Variants in PPP1R37 observed in about 807,000 individuals in gnomAD.
The protein encoded by PPP1R37 is leucine rich repeat containing 68.
PPP1R37 carries 21 observed loss-of-function variants against 61.0 expected under a neutral mutation model. The ratio of observed to expected loss-of-function variants is 0.34; its 90% CI spans 0.24 to 0.50. The LOEUF is 0.50. Ranked by LOEUF, PPP1R37 falls within the 20% of genes least tolerant of loss-of-function variation. The pLI is 0.98. For missense variants in PPP1R37, 910 were observed against 952.7 expected, an observed-to-expected ratio of 0.96 and a Z score of 0.59; for synonymous variants, 443 against 433.5, an observed-to-expected ratio of 1.02 and a Z score of -0.27.
chr19:45,095,463 G>A (rs1967980401), intron 1 of PPP1R37, among the ~76,000 whole-genome samples: 1 of 151,758 alleles, frequency 6.6e-6, no homozygotes, highest in Non-Finnish European at 1.5e-5. Flanking sequence ...AGAGGCAGTG[G>A]TTAAATTAAG....
rs1261148265 is a variant in PPP1R37 at position 45,122,958 on chromosome 19, G to A, written c.203-15556G>A. Among the ~76,000 whole-genome samples, 4 of 152,132 alleles carry A rather than the reference G, an allele frequency of 2.6e-5. No homozygotes were observed. The East Asian group carries it at 7.7e-4, about 29-fold the overall frequency. Reference sequence around the variant, plus strand: ...TGCAGCTCACTGCCAGATGCATCAGGCAGCCTCCTGCACCTGCACTTTCTT... The same window carrying A: ...TGCAGCTCACTGCCAGATGCATCAGACAGCCTCCTGCACCTGCACTTTCTT... On this transcript the variant is annotated intron_variant, in intron 1 of 12. Transcript: ENST00000221462.
intron 1 of PPP1R37, chr19:45,128,467 G>T: frequency 1.6e-6 from 1 of 642,570 alleles, no homozygotes; most frequent in Non-Finnish European, 2.6e-6. Context: ...GGGTGGTAGA[G>T]GCAGCGGCAG....
chr19:45,121,017 G>T lies in PPP1R37; in HGVS notation c.203-17497G>T. 6.6e-6 allele frequency among the ~76,000 whole-genome samples: 1 copy of T among 152,176 alleles called. No homozygotes were observed. The highest frequency in any genetic ancestry group is 1.9e-4 in the East Asian group (1 of 5,200). On this transcript the variant is annotated intron_variant, in intron 1 of 12. Coordinates refer to ENST00000221462, the MANE Select transcript of PPP1R37 (RefSeq NM_019121.2). This position sits in a 1 kb window ranked among gnomAD's most constrained non-coding sequence, Gnocchi z 4.2. ...ATCTCTAAGCGTCCCCTGGAAAGTT[G>T]GGGAGATAATTTCTATTTCTCAGGG...
chr19:45,118,521 T>C (rs1450002188), intron 1 of PPP1R37, among the ~76,000 whole-genome samples: 1 of 152,182 alleles, frequency 6.6e-6, no homozygotes, highest in Non-Finnish European at 1.5e-5. Context: ...CCATATCCCC[T>C]TCCCAGGGAT....
chr19:45,109,605 A>T (rs1187291526), intron 1 of PPP1R37, among the ~76,000 whole-genome samples: 1 of 152,190 alleles, frequency 6.6e-6, no homozygotes, highest in African/African-American at 2.4e-5. Context: ...CTTGCTGAAG[A>T]TGGCAGAAGC....
chr19:45,138,660 C>T (rs773405376), intron 2 of PPP1R37, 49 bp downstream of exon 2: 2 of 1,393,086 alleles, frequency 1.4e-6, no homozygotes, highest in Non-Finnish European at 2.0e-6. Flanking sequence ...TCAAGGGGGG[C>T]CCTAGGGTGG....
chr19:45,103,145 C>T (rs1968085048), intron 1 of PPP1R37, among the ~76,000 whole-genome samples: 4 of 152,232 alleles, frequency 2.6e-5, no homozygotes, highest in Non-Finnish European at 5.9e-5. Flanking sequence ...GGGTCTCACA[C>T]TGGATGAATT....
chr19:45,107,560 T>A (rs527754845), intron 1 of PPP1R37, among the ~76,000 whole-genome samples: 1 of 152,298 alleles, frequency 6.6e-6, no homozygotes, highest in East Asian at 1.9e-4. Flanking sequence ...GCTGTGGTCT[T>A]GCCATTGGAC....
Position 45,093,546 on chromosome 19 carries a change from G to GCGGGGGCGGGCTCGAGAGGGACC in PPP1R37, c.202+24_202+46dup. 6.6e-7 allele frequency: 1 copy of GCGGGGGCGGGCTCGAGAGGGACC among 1,524,160 alleles called. No homozygotes were observed. The highest frequency in any genetic ancestry group is 1.4e-5 in the African/African-American group (1 of 72,546). The allele number at this position is 1,524,160 out of a possible 1,614,324, so 94.4% of individuals were successfully genotyped here. The stretch of plus-strand genomic sequence containing the variant: ...AGACATGGTAGCTACCGCGGGTGAA[G>GCGGGGGCGGGCTCGAGAGGGACC]CGGGGGCGGGCTCGAGAGGGACCCG... On this transcript the variant is annotated intron_variant, in intron 1 of 12. Coordinates refer to ENST00000221462, the MANE Select transcript of PPP1R37 (RefSeq NM_019121.2).
rs1221749895 is a variant in PPP1R37 at position 45,145,528 on chromosome 19, G to T, written c.1472G>T (p.Gly491Val). 2.0e-6 allele frequency: 3 copies of T among 1,534,480 alleles called. No homozygotes were observed. Among genetic ancestry groups the T allele is most frequent in the Admixed American group, 2.0e-5 (1 of 50,910 alleles). ...EPQPDDEPAA[G>V]VQNGAPSPAP... The stretch of plus-strand genomic sequence containing the variant: ...CAGCCCGACGACGAGCCCGCCGCTG[G>T]GGTGCAGAACGGGGCCCCCAGCCCC... Residue 491 changes from glycine (G) to valine (V), a missense_variant, in exon 11 of 13, where the codon GGG becomes GTG. Gly to Val is a moderately radical substitution (Grantham distance 109, BLOSUM62 -3). Around this residue, in one of 3 missense-constraint regions of PPP1R37, gnomAD observed 549 missense variants for 505.1 expected, o/e 1.09. Transcript: ENST00000221462.
chr19:45,142,302 G>T lies in PPP1R37; in HGVS notation c.719-1G>T. The T allele has an allele frequency of 6.5e-7, 1 of 1,535,966 alleles. No homozygotes were observed. Among genetic ancestry groups the T allele is most frequent in the Non-Finnish European group, 8.7e-7 (1 of 1,146,808 alleles). On this transcript the variant is annotated splice_acceptor_variant, in intron 6 of 12. Coordinates refer to ENST00000221462, the MANE Select transcript of PPP1R37 (RefSeq NM_019121.2). LOFTEE classifies it high-confidence loss of function. ...TCACCGTGCCCCCTCCCCGTCCCCA[G>T]CCACGGCCCTGAAGATGAACATGAA...
chr19:45,137,722 G>A (rs919729259), intron 1 of PPP1R37, among the ~76,000 whole-genome samples: 3 of 152,070 alleles, frequency 2.0e-5, no homozygotes, highest in African/African-American at 4.8e-5. Flanking sequence ...TTCAAAGCCC[G>A]GCTCGCATAT....
rs980373304 is a variant in PPP1R37, at chr19:45,142,495, C to G, written c.874+37C>G. 9 of 1,529,366 alleles carry G rather than the reference C, an allele frequency of 5.9e-6. No homozygotes were observed. In the Admixed American group the frequency reaches 7.9e-5, roughly 13 times the overall value. The allele number at this position is 1,529,366 out of a possible 1,614,324, so 94.7% of individuals were successfully genotyped here. ...GGCCCACCCCACCCACACCCGTCACCCAGCACCCACTCTGCCCGGCCCTGC... is the reference window on the plus strand; with the variant it reads ...GGCCCACCCCACCCACACCCGTCACGCAGCACCCACTCTGCCCGGCCCTGC... On this transcript the variant is annotated intron_variant, in intron 7 of 12. Coordinates refer to ENST00000221462, the MANE Select transcript of PPP1R37 (RefSeq NM_019121.2).
intron 1 of PPP1R37, among the ~76,000 whole-genome samples, chr19:45,126,509 G>T (rs1291038280): frequency 6.6e-6 from 1 of 152,222 alleles, no homozygotes; most frequent in East Asian, 1.9e-4. Context: ...CATGTTGGTG[G>T]TTATTTATTG....
chr19:45,113,290 GC>G, intron 1 of PPP1R37, among the ~76,000 whole-genome samples: 1 of 152,350 alleles, frequency 6.6e-6, no homozygotes, highest in South Asian at 2.1e-4. Flanking sequence ...CTGTATGGGG[GC>G]CACTGTGGGC....
intron 2 of PPP1R37, 40 bp downstream of exon 2, chr19:45,138,651 C>A: frequency 6.9e-7 from 1 of 1,446,534 alleles, no homozygotes; most frequent in Non-Finnish European, 9.4e-7. Context: ...GTGTGGGTGT[C>A]AAGGGGGGCC....
At chr19:45,139,898 C>T (rs537907585) in intron 2 of PPP1R37, among the ~76,000 whole-genome samples, 2 of 152,378 alleles carry the variant, frequency 1.3e-5, no homozygotes, top group African/African-American at 4.8e-5. Context: ...CATTTCCTGC[C>T]TCACAGCCTT....
intron 2 of PPP1R37, 32 bp from the exon 3 acceptor site, chr19:45,140,194 GTTCAAGTGTC>G: frequency 2.6e-6 from 4 of 1,521,436 alleles, no homozygotes; most frequent in Non-Finnish European, 3.5e-6. Context: ...CTGCCCCCCT[GTTCAAGTGTC>G]TTCCTGCCTT....
intron 1 of PPP1R37, among the ~76,000 whole-genome samples, chr19:45,132,362 G>T (rs1390163339): frequency 6.6e-6 from 1 of 151,676 alleles, no homozygotes; most frequent in Non-Finnish European, 1.5e-5. Flanking sequence ...CTGGAGTACA[G>T]CGACACAATC....
Sources: gnomAD v4.1 joint callset for allele counts (sites outside exome capture counted in the v4.1 genomes callset) on GRCh38, gnomAD v4.1.1 for gene constraint, gnomAD v4.1.1 regional missense constraint, Gnocchi (gnomAD v3.1) non-coding constraint, MANE v1.5 for transcripts, NCBI Gene and HGNC (gene_info 2026-07-23, HGNC 2026-07-21) for gene names.